Variants in NEK11 observed in about 807,000 individuals in gnomAD.
The protein encoded by NEK11 is serine/threonine-protein kinase Nek11.
A neutral mutation model predicts 80.7 loss-of-function variants in NEK11; 72 were observed. That is an observed-to-expected ratio of 0.89 (90% CI 0.74 to 1.08). NEK11 has a LOEUF of 1.08. Among genes scored for constraint, NEK11 ranks in the 50% least tolerant of loss-of-function variants. The pLI, the probability that NEK11 is intolerant of heterozygous loss-of-function variation, is 0.00. For synonymous variants in NEK11, 251 were observed against 260.7 expected (o/e 0.96, Z 0.36); for missense variants, 764 against 763.6 (o/e 1.00, Z -0.01).
intron 17 of NEK11, chr3:131,328,885 G>A (rs1196226700): frequency 6.6e-6 from 1 of 152,130 alleles, no homozygotes; most frequent in East Asian, 1.9e-4. Flanking sequence ...ACACTGTGTT[G>A]GCTGCTTATC....
At chr3:131,152,356 T>C (rs1208607766) in intron 7 of NEK11, 32 bp from the exon 8 acceptor site, 2 of 1,561,096 alleles carry the variant, frequency 1.3e-6, no homozygotes, top group South Asian at 1.2e-5. Flanking sequence ...GGATATTTGT[T>C]CCTTATTTAA....
Position 131,155,090 on chromosome 3 carries a change from CAGA to C in NEK11, c.934_936del (p.Lys312del). 1 of 1,611,510 alleles carries C rather than the reference CAGA, an allele frequency of 6.2e-7. No individual in the cohort carries two copies. Among genetic ancestry groups the C allele is most frequent in the Non-Finnish European group, 8.5e-7 (1 of 1,177,700 alleles). ...TCTGGAAGACAAAAATTTGGATTGT[CAGA>C]AGGAGGCTGCTCATATAATTAATGC... is the stretch of plus-strand genomic sequence containing the variant. On this transcript the variant is annotated inframe_deletion, in exon 10 of 18. Transcript: ENST00000383366.
rs753533099 is a variant in NEK11, at chr3:131,273,485, G to C, written c.1629G>C (p.Lys543Asn). The C allele has an allele frequency of 6.2e-7, 1 of 1,613,698 alleles. No homozygotes were observed. Among genetic ancestry groups the C allele is most frequent in the Non-Finnish European group, 8.5e-7 (1 of 1,179,654 alleles). ...NVLGCTSLDT[K>N]TITTMAEDMS... ...CTGTGCATTGATTTTCAGACACAAA[G>C]ACCATCACCACCATGGCTGAAGACA... is the stretch of plus-strand genomic sequence containing the variant. Residue 543 changes from lysine (K) to asparagine (N), a missense_variant, in exon 17 of 18, where the codon AAG becomes AAC. Physicochemically the swap from Lys to Asn is moderately conservative, Grantham distance 94 (BLOSUM62 0). Transcript: ENST00000383366.
chr3:131,251,695 G>A (rs1057394359), intron 16 of NEK11, among the ~76,000 whole-genome samples: 1 of 152,040 alleles, frequency 6.6e-6, no homozygotes, highest in South Asian at 2.1e-4. Context: ...AACTGCTAAA[G>A]TGCTTGCTGC....
intron 17 of NEK11, 49 bp downstream of exon 17, chr3:131,273,623 A>G (rs1166848651): frequency 7.2e-7 from 1 of 1,381,820 alleles, no homozygotes. Context: ...GTTAAAGCAT[A>G]TTGACCAAGT....
chr3:131,269,910 G>A (rs1199769646), intron 16 of NEK11, among the ~76,000 whole-genome samples: 2 of 152,220 alleles, frequency 1.3e-5, no homozygotes, highest in Non-Finnish European at 2.9e-5. Context: ...TGATAACACA[G>A]TGGAACACAG....
chr3:131,212,339 CT>C lies in NEK11; in HGVS notation c.1400-16188del, dbSNP rs1489414107. On this transcript the variant is annotated intron_variant, in intron 14 of 17. Coordinates refer to ENST00000383366, the MANE Select transcript of NEK11 (RefSeq NM_024800.5). ...ATTGCAGAACAGCAAATATTGCTGCCTGATCCTTCCTCTGGAAGCTTCGTCT... is the reference window on the plus strand; with the variant it reads ...ATTGCAGAACAGCAAATATTGCTGCCGATCCTTCCTCTGGAAGCTTCGTCT... 9.9e-5 allele frequency among the ~76,000 whole-genome samples: 15 copies of C among 152,190 alleles called. No individual in the cohort carries two copies. In the East Asian group the frequency reaches 2.9e-3, roughly 29 times the overall value.
intron 17 of NEK11, among the ~76,000 whole-genome samples, chr3:131,305,811 GC>G (rs756984887): frequency 9.2e-5 from 14 of 152,074 alleles, no homozygotes; most frequent in Non-Finnish European, 1.8e-4. Flanking sequence ...GTTCTTGACA[GC>G]CCCACGCAGG....
At chr3:131,039,072 A>G (rs1457612786) in intron 3 of NEK11, among the ~76,000 whole-genome samples, 1 of 152,216 alleles carries the variant, frequency 6.6e-6, no homozygotes, top group Admixed American at 6.5e-5. Flanking sequence ...TTTTGTGTTA[A>G]GCCTATTAAG....
At chr3:131,284,365 T>C (rs2096444430) in intron 17 of NEK11, among the ~76,000 whole-genome samples, 1 of 152,228 alleles carries the variant, frequency 6.6e-6, no homozygotes, top group African/African-American at 2.4e-5. Context: ...TCAAAGCCTT[T>C]CCTAAGACTT....
chr3:131,339,684 C>T (rs550989060), intron 17 of NEK11, among the ~76,000 whole-genome samples: 2 of 152,284 alleles, frequency 1.3e-5, no homozygotes, highest in East Asian at 3.9e-4. Context: ...CTTCCCTTCC[C>T]TAAGAGGAGT....
intron 14 of NEK11, among the ~76,000 whole-genome samples, chr3:131,205,275 C>A (rs2094410300): frequency 6.6e-6 from 1 of 152,128 alleles, no homozygotes; most frequent in South Asian, 2.1e-4. Context: ...AAAGTGTTGA[C>A]AGCCAACAAG....
At chr3:131,132,882 G>C (rs2084788757) in intron 6 of NEK11, 73 bp downstream of exon 6, 1 of 677,676 alleles carries the variant, frequency 1.5e-6, no homozygotes, top group Non-Finnish European at 2.5e-6. Context: ...TCAAATTGAA[G>C]TAAATGGTAC....
chr3:131,175,081 A>C, intron 14 of NEK11: 3 of 1,131,220 alleles, frequency 2.7e-6, no homozygotes, highest in Middle Eastern at 3.8e-4. Flanking sequence ...TTACGATATC[A>C]CCTCTTCTTT....
At chr3:131,328,495 T>G (rs1438162398) in intron 17 of NEK11, 1 of 152,170 alleles carries the variant, frequency 6.6e-6, no homozygotes, top group Non-Finnish European at 1.5e-5. Context: ...GTCTTCTGCC[T>G]TTAGTTTTAC....
intron 16 of NEK11, among the ~76,000 whole-genome samples, chr3:131,268,767 A>G (rs1009485327): frequency 2.0e-5 from 3 of 152,228 alleles, no homozygotes; most frequent in Non-Finnish European, 4.4e-5. Flanking sequence ...TTAAGGAGGC[A>G]GTCTGTCCCT....
At chr3:131,226,311 G>A (rs1029535459) in intron 14 of NEK11, among the ~76,000 whole-genome samples, 1 of 152,168 alleles carries the variant, frequency 6.6e-6, no homozygotes, top group Non-Finnish European at 1.5e-5. Context: ...CGTTCTCAGT[G>A]TAAGTAAAAT....
At chr3:131,165,554 A>C in intron 12 of NEK11, 35 bp downstream of exon 12, 1 of 1,419,966 alleles carries the variant, frequency 7.0e-7, no homozygotes, top group South Asian at 1.2e-5. Flanking sequence ...TTACATAAAA[A>C]TTTTTCTTGC....
At chr3:131,135,488 A>G (rs962004060) in intron 7 of NEK11, among the ~76,000 whole-genome samples, 38 of 152,268 alleles carry the variant, frequency 2.5e-4, no homozygotes, top group Admixed American at 2.2e-3. Flanking sequence ...TTGAACATCT[A>G]CTATTTGCCC....
Sources: gnomAD v4.1 joint callset for allele counts (sites outside exome capture counted in the v4.1 genomes callset) on GRCh38, gnomAD v4.1.1 for gene constraint, MANE v1.5 for transcripts, NCBI Gene and HGNC (gene_info 2026-07-23, HGNC 2026-07-21) for gene names.